The following CYP7B1 variants were observed in gnomAD, a reference collection of about 807,000 sequenced individuals.
CYP7B1 encodes the protein cytochrome P450 7B1.
In CYP7B1, 29 loss-of-function variants were observed where a neutral mutation model predicts 42.7. The ratio of observed to expected loss-of-function variants is 0.68; its 90% confidence interval spans 0.51 to 0.93. The LOEUF (loss-of-function observed/expected upper bound fraction) is 0.93, where lower values mean the gene tolerates loss of function less well. Ranked by LOEUF, CYP7B1 falls within the 40% of genes least tolerant of loss-of-function variation. The pLI is 0.00. For missense variants in CYP7B1, 655 were observed against 600.5 expected, an observed-to-expected ratio of 1.09 and a Z score of -0.95; for synonymous variants, 235 against 218.2, an observed-to-expected ratio of 1.08 and a Z score of -0.68.
chr8:64,755,124 G>A (rs1807787908), intron 1 of CYP7B1, among the ~76,000 whole-genome samples: 1 of 152,102 alleles, frequency 6.6e-6, no homozygotes, highest in Non-Finnish European at 1.5e-5. Flanking sequence ...TGTGCTTAGG[G>A]TCACGTTTGC....
rs115268540 is a variant in CYP7B1, at chr8:64,751,239, C to T, written c.122+47227G>A. Among the ~76,000 whole-genome samples the T allele has an allele frequency of 5.1e-3, 770 of 152,278 alleles. 8 individuals carry two copies. The highest frequency in any genetic ancestry group is 0.018 in the African/African-American group (740 of 41,560). On this transcript the variant is annotated intron_variant, in intron 1 of 5. Coordinates refer to ENST00000310193, the MANE Select transcript of CYP7B1 (RefSeq NM_004820.5). ...TCATCATATCTCTCAAAGATAACCA[C>T]TGCTAGTATTTAGGTATATGTCCCT...
At chr8:64,676,194 A>G (rs1157386884) in intron 1 of CYP7B1, among the ~76,000 whole-genome samples, 1 of 152,098 alleles carries the variant, frequency 6.6e-6, no homozygotes, top group Non-Finnish European at 1.5e-5. Context: ...TCAACCATTC[A>G]TTCATATTTA....
intron 1 of CYP7B1, among the ~76,000 whole-genome samples, chr8:64,691,486 G>A (rs907807076): frequency 4.7e-5 from 7 of 149,584 alleles, no homozygotes; most frequent in African/African-American, 9.9e-5. Flanking sequence ...GGCAACTGGG[G>A]GGGGGGGGTG....
At chr8:64,643,146 C>CATATATATACACAT (rs373876032) in intron 1 of CYP7B1, among the ~76,000 whole-genome samples, 1 of 28,052 alleles carries the variant, frequency 3.6e-5, no homozygotes, top group Non-Finnish European at 7.3e-5. Context: ...TACATATATA[C>CATATATATACACAT]ATATATACAT....
At chr8:64,733,881 G>A (rs1807449262) in intron 1 of CYP7B1, among the ~76,000 whole-genome samples, 1 of 151,968 alleles carries the variant, frequency 6.6e-6, no homozygotes, top group African/African-American at 2.4e-5. Context: ...AAGGAAGGAG[G>A]ATTGCTTGAG....
At chr8:64,751,311 A>C (rs1380917703) in intron 1 of CYP7B1, among the ~76,000 whole-genome samples, 1 of 152,202 alleles carries the variant, frequency 6.6e-6, no homozygotes, top group Non-Finnish European at 1.5e-5. Flanking sequence ...TCTTATCCAC[A>C]AAATGACATC....
chr8:64,589,759 A>C (rs1278270388), downstream of CYP7B1: 1 of 152,244 alleles, frequency 6.6e-6, no homozygotes, highest in Non-Finnish European at 1.5e-5. Flanking sequence ...AGAAATGTTT[A>C]AATTTGACTC....
chr8:64,602,271 T>A (rs2129629885), intron 5 of CYP7B1, among the ~76,000 whole-genome samples: 1 of 152,214 alleles, frequency 6.6e-6, no homozygotes, highest in South Asian at 2.1e-4. Context: ...AGGAATGAGG[T>A]GGAAATCAGG....
intron 1 of CYP7B1, among the ~76,000 whole-genome samples, chr8:64,742,909 T>C (rs578160581): frequency 6.6e-6 from 1 of 152,332 alleles, no homozygotes; most frequent in African/African-American, 2.4e-5. Context: ...TTGATTGTTA[T>C]AAAAAGTTTT....
At chr8:64,771,322 A>G (rs1478192358) in intron 1 of CYP7B1, among the ~76,000 whole-genome samples, 1 of 151,876 alleles carries the variant, frequency 6.6e-6, no homozygotes, top group Non-Finnish European at 1.5e-5. Context: ...GGCCTCTCAA[A>G]GTGCTGGGAT....
At chr8:64,678,438 A>G (rs1170945965) in intron 1 of CYP7B1, among the ~76,000 whole-genome samples, 2 of 152,168 alleles carry the variant, frequency 1.3e-5, no homozygotes, top group Non-Finnish European at 2.9e-5. Context: ...TTGAAAGAAA[A>G]GAAAGCACCT....
intron 1 of CYP7B1, among the ~76,000 whole-genome samples, chr8:64,722,267 A>G (rs984950162): frequency 6.6e-6 from 1 of 152,226 alleles, no homozygotes; most frequent in Non-Finnish European, 1.5e-5. Context: ...AAAACAGAGC[A>G]GCCTAAGCTG....
intron 4 of CYP7B1, among the ~76,000 whole-genome samples, chr8:64,612,285 T>G (rs190555699): frequency 1.1e-4 from 17 of 152,242 alleles, no homozygotes; most frequent in Admixed American, 7.9e-4. Context: ...TATTGAGATT[T>G]AAGCCCCAAG....
At chr8:64,798,347 G>A in intron 1 of CYP7B1, 119 bp downstream of exon 1, 3 of 1,344,038 alleles carry the variant, frequency 2.2e-6, no homozygotes, top group Non-Finnish European at 2.9e-6. Flanking sequence ...CCAGTACCCC[G>A]CAGCAAGTTC....
chr8:64,677,939 C>A (rs1240789813), intron 1 of CYP7B1, among the ~76,000 whole-genome samples: 1 of 151,862 alleles, frequency 6.6e-6, no homozygotes, highest in African/African-American at 2.4e-5. Context: ...TTAAAGGAAC[C>A]CAAGACAGAT....
At chr8:64,661,841 G>A (rs1301048209) in intron 1 of CYP7B1, among the ~76,000 whole-genome samples, 1 of 152,152 alleles carries the variant, frequency 6.6e-6, no homozygotes, top group Non-Finnish European at 1.5e-5. Flanking sequence ...GTTTTAATAT[G>A]AGATGTATGC....
intron 1 of CYP7B1, among the ~76,000 whole-genome samples, chr8:64,779,492 C>T (rs1804383344): frequency 6.6e-6 from 1 of 152,020 alleles, no homozygotes; most frequent in Non-Finnish European, 1.5e-5. Flanking sequence ...GTAGCCAGTG[C>T]TAAAGTGACA....
intron 5 of CYP7B1, among the ~76,000 whole-genome samples, chr8:64,602,915 A>G (rs1805223679): frequency 6.6e-6 from 1 of 152,228 alleles, no homozygotes; most frequent in South Asian, 2.1e-4. Flanking sequence ...CAAATTCTAT[A>G]AAACTGGTTC....
chr8:64,658,778 C>G (rs1286423710), intron 1 of CYP7B1, among the ~76,000 whole-genome samples: 1 of 152,166 alleles, frequency 6.6e-6, no homozygotes, highest in Admixed American at 6.5e-5. Context: ...GTGGTCTCTT[C>G]TAGAATTCTA....
Sources: allele counts gnomAD v4.1 joint callset (sites outside exome capture counted in the v4.1 genomes callset), GRCh38; gene constraint gnomAD v4.1.1; transcripts MANE v1.5; gene names NCBI Gene and HGNC (gene_info 2026-07-23, HGNC 2026-07-21).